Variants in MAP3K5 observed in about 807,000 individuals in gnomAD.
MAP3K5 encodes mitogen-activated protein kinase kinase kinase 5.
MAP3K5 carries 56 observed loss-of-function variants against 158.7 expected under a neutral mutation model. That is an observed-to-expected ratio of 0.35 (90% CI 0.28 to 0.44). MAP3K5 has a LOEUF of 0.44. Among genes scored for constraint, MAP3K5 ranks in the 20% least tolerant of loss-of-function variants. The pLI, the probability that MAP3K5 is intolerant of heterozygous loss-of-function variation, is 1.00. For missense variants in MAP3K5, 1,294 were observed against 1,674.8 expected, an observed-to-expected ratio of 0.77 and a Z score of 3.97; for synonymous variants, 579 against 601.7, an observed-to-expected ratio of 0.96 and a Z score of 0.55.
intron 25 of MAP3K5, among the ~76,000 whole-genome samples, chr6:136,578,915 A>C (rs1774739690): frequency 6.6e-6 from 1 of 152,056 alleles, no homozygotes; most frequent in Non-Finnish European, 1.5e-5. Context: ...TCACGCCTGT[A>C]ATCACAGCAC....
At chr6:136,692,939 G>A (rs73558251) in intron 7 of MAP3K5, among the ~76,000 whole-genome samples, 10,191 of 151,866 alleles carry the variant, frequency 0.067, 590 homozygotes, top group African/African-American at 0.16. Context: ...CTGAGTGACG[G>A]AGCAAGACCT....
At chr6:136,701,194 C>A (rs1237381609) in intron 3 of MAP3K5, among the ~76,000 whole-genome samples, 1 of 152,200 alleles carries the variant, frequency 6.6e-6, no homozygotes, top group Non-Finnish European at 1.5e-5. Context: ...TATGCACCCT[C>A]CTGAGTGGCC....
At chr6:136,728,248 G>T (rs1417567589) in intron 1 of MAP3K5, among the ~76,000 whole-genome samples, 1 of 152,102 alleles carries the variant, frequency 6.6e-6, no homozygotes, top group African/African-American at 2.4e-5. Context: ...TCATAATAAG[G>T]TATCTGTTAG....
At chr6:136,713,173 A>T (rs1228668349) in intron 2 of MAP3K5, among the ~76,000 whole-genome samples, 1 of 152,068 alleles carries the variant, frequency 6.6e-6, no homozygotes, top group Non-Finnish European at 1.5e-5. Flanking sequence ...GGCTTGCCCC[A>T]CTCCTTCCTC....
At chr6:136,616,298 C>T (rs9376215) in intron 15 of MAP3K5, among the ~76,000 whole-genome samples, 1 of 140,330 alleles carries the variant, frequency 7.1e-6, no homozygotes, top group Admixed American at 7.6e-5. Context: ...ATACCTGCTC[C>T]TCTTTTTTTT....
intron 10 of MAP3K5, among the ~76,000 whole-genome samples, chr6:136,654,325 T>C (rs1778649178): frequency 6.6e-6 from 1 of 152,252 alleles, no homozygotes; most frequent in Non-Finnish European, 1.5e-5. Flanking sequence ...AATGTTTTAA[T>C]TCTTTGAGTC....
Position 136,613,005 on chromosome 6 carries a change from A to C in MAP3K5, c.2415+115T>G. The stretch of plus-strand genomic sequence containing the variant: ...ATATTTTATATTTCTGCTGTTTCTA[A>C]GATTTACTTATTCACCATTCTAAAT... On this transcript the variant is annotated intron_variant, in intron 17 of 29. Coordinates refer to ENST00000359015, the MANE Select transcript of MAP3K5 (RefSeq NM_005923.4). This position sits in a 1 kb window ranked among gnomAD's most constrained non-coding sequence, Gnocchi z 4.0. The C allele has an allele frequency of 2.0e-6, 2 of 986,444 alleles. No individual in the cohort carries two copies. Among genetic ancestry groups the C allele is most frequent in the Non-Finnish European group, 2.9e-6 (2 of 686,802 alleles). The allele number at this position is 986,444 out of a possible 1,614,324, so 61.1% of individuals were successfully genotyped here. A position where few individuals can be genotyped will look rare whatever the true frequency, so the allele number is the denominator to read the frequency against.
chr6:136,657,240 A>G (rs1778792626), intron 9 of MAP3K5, among the ~76,000 whole-genome samples: 1 of 152,200 alleles, frequency 6.6e-6, no homozygotes, highest in African/African-American at 2.4e-5. Flanking sequence ...TGGTGCCTCA[A>G]AAGAAAAAGT....
intron 26 of MAP3K5, among the ~76,000 whole-genome samples, chr6:136,565,500 T>C (rs898250800): frequency 1.3e-5 from 2 of 152,236 alleles, no homozygotes; most frequent in African/African-American, 4.8e-5. Flanking sequence ...GGTGCAATCA[T>C]GGCTCACTGT....
At chr6:136,574,436 G>A (rs1327792717) in intron 25 of MAP3K5, among the ~76,000 whole-genome samples, 2 of 152,130 alleles carry the variant, frequency 1.3e-5, no homozygotes, top group Non-Finnish European at 2.9e-5. Context: ...AACAATTATT[G>A]TTGATAGAGG....
intron 18 of MAP3K5, among the ~76,000 whole-genome samples, chr6:136,610,885 C>T (rs1310161926): frequency 1.3e-5 from 2 of 151,568 alleles, no homozygotes; most frequent in Admixed American, 6.6e-5. Flanking sequence ...ACAGGTATAT[C>T]GCTTGAGCCC....
intron 19 of MAP3K5, among the ~76,000 whole-genome samples, chr6:136,603,451 T>C (rs1024650398): frequency 6.6e-6 from 1 of 151,976 alleles, no homozygotes; most frequent in Admixed American, 6.6e-5. Flanking sequence ...GTGCTGGGAT[T>C]ATAGGTGTGA....
intron 25 of MAP3K5, among the ~76,000 whole-genome samples, chr6:136,574,094 CT>C (rs1774490534): frequency 6.6e-6 from 1 of 152,190 alleles, no homozygotes; most frequent in South Asian, 2.1e-4. Flanking sequence ...TCATACCTGG[CT>C]AATATTTGTA....
intron 10 of MAP3K5, among the ~76,000 whole-genome samples, chr6:136,654,071 T>C (rs1778637492): frequency 6.6e-6 from 1 of 152,242 alleles, no homozygotes; most frequent in Non-Finnish European, 1.5e-5. Context: ...CAAAAATATG[T>C]TGGCAAGATA....
intron 14 of MAP3K5, among the ~76,000 whole-genome samples, chr6:136,632,303 T>C (rs960425967): frequency 2.0e-4 from 31 of 152,104 alleles, no homozygotes; most frequent in Admixed American, 5.9e-4. Flanking sequence ...GGCAGATCAC[T>C]TGAGGTCAGG....
At position 136,592,149 on chromosome 6, in the gene MAP3K5, T is replaced by A. The variant is rs780593660; in HGVS notation, c.3225+24A>T. On this transcript the variant is annotated intron_variant, in intron 23 of 29. Transcript: ENST00000359015. ...GATAAAATATGTAACCTTTGGGAAA[T>A]GAAGCACCTGGGAGAGGATTTACCT... is the stretch of plus-strand genomic sequence containing the variant. 3 of 1,537,966 alleles carry A rather than the reference T, an allele frequency of 2.0e-6. No homozygotes were observed. The East Asian group carries it at 6.8e-5, about 35-fold the overall frequency.
At chr6:136,740,737 C>T (rs1443146934) in intron 1 of MAP3K5, among the ~76,000 whole-genome samples, 2 of 152,182 alleles carry the variant, frequency 1.3e-5, no homozygotes. Context: ...TGTTAGCTTA[C>T]TTTTAGAAAA....
intron 1 of MAP3K5, among the ~76,000 whole-genome samples, chr6:136,767,661 T>C (rs1784021224): frequency 6.6e-6 from 1 of 152,166 alleles, no homozygotes; most frequent in African/African-American, 2.4e-5. Context: ...GAGGAAGATC[T>C]AACTGCCTTT....
Position 136,565,364 on chromosome 6 carries a change from G to A in MAP3K5, c.3761+2267C>T, listed in dbSNP as rs532173684. On this transcript the variant is annotated intron_variant, in intron 26 of 29. Coordinates refer to ENST00000359015, the MANE Select transcript of MAP3K5 (RefSeq NM_005923.4). ...TTGGATGGGCAGGGGTGATGAGGTG[G>A]ATTGGTGGGTAATTCCAGAACTGTA... Among the ~76,000 whole-genome samples, 15 of 152,362 alleles carry A rather than the reference G, an allele frequency of 9.8e-5. No homozygotes were observed. The South Asian group carries it at 3.1e-3, about 32-fold the overall frequency.
Sources: allele counts gnomAD v4.1 joint callset (sites outside exome capture counted in the v4.1 genomes callset), GRCh38; gene constraint gnomAD v4.1.1; non-coding constraint Gnocchi (gnomAD v3.1); transcripts MANE v1.5; gene names NCBI Gene and HGNC (gene_info 2026-07-23, HGNC 2026-07-21).